UBE3D: variants seen among roughly 807,000 people sequenced by gnomAD.
UBE3D encodes the protein ubiquitin protein ligase E3D.
In UBE3D, 48 loss-of-function variants were observed where a neutral mutation model predicts 49.6. That is an observed-to-expected ratio of 0.97 (90% confidence interval 0.77 to 1.23). The LOEUF (loss-of-function observed/expected upper bound fraction) is 1.23. UBE3D is among the 50% of genes most tolerant of loss of function. The pLI, the probability that UBE3D is intolerant of heterozygous loss-of-function variation, is 0.00. For synonymous variants in UBE3D, 189 were observed against 174.2 expected, an observed-to-expected ratio of 1.08 and a Z score of -0.67; for missense variants, 452 against 468.4, an observed-to-expected ratio of 0.96 and a Z score of 0.32.
chr6:82,922,174 C>T (rs1773395483), intron 9 of UBE3D, among the ~76,000 whole-genome samples: 1 of 151,960 alleles, frequency 6.6e-6, no homozygotes, highest in South Asian at 2.1e-4. Flanking sequence ...TGGACAAATC[C>T]CTAGGAAAAC....
At chr6:82,923,074 G>T (rs1191827730) in intron 9 of UBE3D, among the ~76,000 whole-genome samples, 1 of 152,188 alleles carries the variant, frequency 6.6e-6, no homozygotes, top group African/African-American at 2.4e-5. Context: ...TGCTGGAGAG[G>T]TTGTGGAGAA....
At chr6:82,889,626 T>C (rs1382169438), downstream of UBE3D, among the ~76,000 whole-genome samples, 1 of 152,172 alleles carries the variant, frequency 6.6e-6, no homozygotes, top group Non-Finnish European at 1.5e-5. Flanking sequence ...CATCCCTGTC[T>C]GAAATAGCAC....
chr6:82,941,076 G>A (rs1322029381), intron 9 of UBE3D, among the ~76,000 whole-genome samples: 1 of 151,930 alleles, frequency 6.6e-6, no homozygotes, highest in African/African-American at 2.4e-5. Flanking sequence ...AGCCGGGTGT[G>A]GCGTCTGTAA....
intron 5 of UBE3D, among the ~76,000 whole-genome samples, chr6:83,035,542 T>C (rs1782188445): frequency 6.6e-6 from 1 of 151,742 alleles, no homozygotes; most frequent in African/African-American, 2.4e-5. Flanking sequence ...CTTCACTGCC[T>C]TCTAGCTTTC....
At chr6:83,036,978 T>C (rs1410371116) in intron 5 of UBE3D, 2 of 152,124 alleles carry the variant, frequency 1.3e-5, no homozygotes, top group Admixed American at 1.3e-4. Flanking sequence ...GCAAGTCTTT[T>C]CTCTAGTTGG....
chr6:82,898,512 T>C (rs1771498549), intron 9 of UBE3D, among the ~76,000 whole-genome samples: 1 of 152,060 alleles, frequency 6.6e-6, no homozygotes, highest in East Asian at 1.9e-4. Flanking sequence ...AAAGGGTGAG[T>C]TCATGTCCTT....
At chr6:82,887,840 T>C (rs867879105), downstream of UBE3D, among the ~76,000 whole-genome samples, 2 of 152,006 alleles carry the variant, frequency 1.3e-5, no homozygotes, top group African/African-American at 4.8e-5. Context: ...GAAGAGAAAG[T>C]TTCAAGTGAA....
intron 8 of UBE3D, chr6:83,018,767 G>T: frequency 1.7e-6 from 1 of 572,214 alleles, no homozygotes. Flanking sequence ...AATAATTTTT[G>T]GTAAAAGCAA....
chr6:82,936,175 C>A (rs1340281023), intron 9 of UBE3D, among the ~76,000 whole-genome samples: 2 of 152,092 alleles, frequency 1.3e-5, no homozygotes, highest in African/African-American at 4.8e-5. Flanking sequence ...TATATTCCAT[C>A]CTGCCCCTGC....
intron 9 of UBE3D, among the ~76,000 whole-genome samples, chr6:82,931,792 T>A (rs1021095712): frequency 1.3e-5 from 2 of 152,170 alleles, no homozygotes; most frequent in African/African-American, 4.8e-5. Flanking sequence ...TTATCTCAGA[T>A]GAGACTTTGG....
intron 8 of UBE3D, among the ~76,000 whole-genome samples, chr6:82,995,199 A>C (rs1779153582): frequency 6.6e-6 from 1 of 152,218 alleles, no homozygotes; most frequent in African/African-American, 2.4e-5. Flanking sequence ...GAAACCATGA[A>C]TAATGCCAAA....
chr6:82,970,204 T>G (rs1386505782), intron 8 of UBE3D, among the ~76,000 whole-genome samples: 1 of 150,438 alleles, frequency 6.6e-6, no homozygotes, highest in Non-Finnish European at 1.5e-5. Context: ...AAACCACTCA[T>G]CTGGAAGAAA....
chr6:83,033,540 C>T (rs1370419152), intron 5 of UBE3D, among the ~76,000 whole-genome samples: 2 of 152,050 alleles, frequency 1.3e-5, no homozygotes, highest in South Asian at 2.1e-4. Flanking sequence ...GTGCTGTACT[C>T]ATGATGGTGA....
chr6:82,913,862 C>T (rs1772711461), intron 9 of UBE3D, among the ~76,000 whole-genome samples: 2 of 152,154 alleles, frequency 1.3e-5, no homozygotes, highest in Admixed American at 6.5e-5. Flanking sequence ...TCACATCTAG[C>T]CTGAGTGAAA....
At chr6:82,930,631 G>A (rs1774073224) in intron 9 of UBE3D, among the ~76,000 whole-genome samples, 1 of 152,176 alleles carries the variant, frequency 6.6e-6, no homozygotes, top group South Asian at 2.1e-4. Context: ...CTTGGTAACT[G>A]GAGTAGAAAG....
chr6:82,997,088 CT>C (rs1225913350), intron 8 of UBE3D, among the ~76,000 whole-genome samples: 4 of 152,062 alleles, frequency 2.6e-5, no homozygotes, highest in Non-Finnish European at 5.9e-5. Flanking sequence ...TTCTAAATTA[CT>C]TCTAAATTTT....
intron 8 of UBE3D, among the ~76,000 whole-genome samples, chr6:83,005,861 C>T (rs1562176423): frequency 6.6e-6 from 1 of 152,092 alleles, no homozygotes. Context: ...TTGAGGACAT[C>T]ATGCTAAATG....
At chr6:83,025,707 A>G (rs1285021381) in intron 5 of UBE3D, among the ~76,000 whole-genome samples, 2 of 151,842 alleles carry the variant, frequency 1.3e-5, no homozygotes, top group Non-Finnish European at 2.9e-5. Context: ...ACATGGTGAA[A>G]CCCTGTCTCT....
chr6:82,959,256 T>C (rs1261989337), intron 8 of UBE3D, among the ~76,000 whole-genome samples: 1 of 150,900 alleles, frequency 6.6e-6, no homozygotes, highest in Non-Finnish European at 1.5e-5. Context: ...TCAAAATCTG[T>C]AGAGCATAAG....
Sources: gnomAD v4.1 joint callset for allele counts (sites outside exome capture counted in the v4.1 genomes callset) on GRCh38, gnomAD v4.1.1 for gene constraint, MANE v1.5 for transcripts, NCBI Gene and HGNC (gene_info 2026-07-23, HGNC 2026-07-21) for gene names.